Variants in ZNF131 observed in about 807,000 individuals in gnomAD.
The protein encoded by ZNF131 is zinc finger and BTB domain containing 35, also known as zinc finger protein 131.
ZNF131 carries 7 observed loss-of-function variants against 60.0 expected under a neutral mutation model. The observed-to-expected ratio is 0.12, with a 90% CI of 0.07 to 0.22. ZNF131 has a LOEUF of 0.22. ZNF131 is among the 10% of genes least tolerant of loss of function. ZNF131 has a pLI of 1.00. For missense variants in ZNF131, 493 were observed against 740.9 expected (o/e 0.67, Z 3.88); for synonymous variants, 257 against 253.2 (o/e 1.01, Z -0.14).
intron 4 of ZNF131, among the ~76,000 whole-genome samples, chr5:43,154,475 CA>C (rs2111808319): frequency 1.3e-5 from 2 of 152,184 alleles, no homozygotes; most frequent in Non-Finnish European, 2.9e-5. Context: ...GATAGCCCTG[CA>C]GTGGGGTCAC....
chr5:43,122,508 T>G (rs967241510), intron 2 of ZNF131, among the ~76,000 whole-genome samples: 13 of 152,140 alleles, frequency 8.5e-5, no homozygotes, highest in Non-Finnish European at 1.8e-4. Flanking sequence ...TTGGTAAGCT[T>G]TGAGAAGTCC....
At chr5:43,126,122 T>C (rs1187701744) in intron 3 of ZNF131, among the ~76,000 whole-genome samples, 2 of 152,192 alleles carry the variant, frequency 1.3e-5, no homozygotes, top group African/African-American at 4.8e-5. Context: ...AAAACTTGAG[T>C]TTTAGCCCTG....
intron 1 of ZNF131, chr5:43,121,709 CGTTAGAG>C (rs1372399002): frequency 2.5e-5 from 4 of 162,764 alleles, no homozygotes; most frequent in African/African-American, 9.7e-5. Flanking sequence ...CTTGGCGGGC[CGTTAGAG>C]GACCGCCACG....
chr5:43,172,086 T>G (rs1751063806), intron 5 of ZNF131, among the ~76,000 whole-genome samples: 1 of 152,256 alleles, frequency 6.6e-6, no homozygotes, highest in Admixed American at 6.5e-5. Context: ...AATGACTGTT[T>G]TCATTGTCAT....
rs1197781618 is a variant in ZNF131 at position 43,174,992 on chromosome 5, A to T, written c.1731A>T (p.Arg577Ser). Residue 577 changes from arginine to serine, a missense_variant, in exon 7 of 7, where the codon AGA becomes AGT. Physicochemically the swap from Arg to Ser is moderately radical, Grantham distance 110. Around this residue, in one of 7 missense-constraint regions of ZNF131, gnomAD observed 202 missense variants for 221.3 expected, o/e 0.91. Transcript: ENST00000682664. Reference protein sequence around the residue: ...VTPEIMNQEERESSQADAAEA... With the variant: ...VTPEIMNQEESESSQADAAEA... ...CAGAAATCATGAACCAAGAGGAGAG[A>T]GAGTCTAGCCAAGCAGATGCTGCTG... The T allele has an allele frequency of 6.2e-7, 1 of 1,614,026 alleles. No individual in the cohort carries two copies. Among genetic ancestry groups the T allele is most frequent in the Admixed American group, 1.7e-5 (1 of 59,992 alleles).
At chr5:43,158,284 GTTTTGTTTTTGT>G (rs957886425) in intron 4 of ZNF131, among the ~76,000 whole-genome samples, 1 of 148,028 alleles carries the variant, frequency 6.8e-6, no homozygotes, top group Non-Finnish European at 1.5e-5. Flanking sequence ...TTTCTGTTTT[GTTTTGTTTTTGT>G]TTTTGTTTTT....
chr5:43,135,335 A>G (rs544135561), intron 3 of ZNF131, among the ~76,000 whole-genome samples: 1 of 152,024 alleles, frequency 6.6e-6, no homozygotes, highest in Admixed American at 6.6e-5. Context: ...ACTATCTGGA[A>G]AGGAAATTAG....
rs1751511597 is a variant in ZNF131, at chr5:43,175,768, ACTT to A, written c.*638_*640del. On this transcript the variant is annotated 3_prime_UTR_variant, in exon 7 of 7. Coordinates refer to ENST00000682664, the MANE Select transcript of ZNF131 (RefSeq NM_001330707.2). ...CATGTGCCTTCTCAAAACCAACTGA[ACTT>A]CTATAAAGCATCTCTGGTTCTTTCA... The A allele has an allele frequency of 3.7e-5, 10 of 269,026 alleles. No homozygotes were observed. The highest frequency in any genetic ancestry group is 3.6e-4 in the Admixed American group (7 of 19,198). 16.7% of individuals were successfully genotyped at this position (269,026 alleles called of 1,614,324 possible). A position where few individuals can be genotyped will look rare whatever the true frequency, so the allele number is the denominator to read the frequency against.
At chr5:43,145,738 A>G (rs1747499360) in intron 4 of ZNF131, among the ~76,000 whole-genome samples, 3 of 152,194 alleles carry the variant, frequency 2.0e-5, no homozygotes, top group South Asian at 2.1e-4. Context: ...TACTTTTTCA[A>G]CATAAGATGC....
At chr5:43,153,463 TAAAAAAAAAAAAA>T (rs35596507) in intron 4 of ZNF131, among the ~76,000 whole-genome samples, 2 of 61,182 alleles carry the variant, frequency 3.3e-5, no homozygotes, top group South Asian at 7.3e-4. Context: ...CCATCTCTAC[TAAAAAAAAAAAAA>T]AAAAAAAAAA....
chr5:43,172,443 A>C (rs1337991084), intron 5 of ZNF131, among the ~76,000 whole-genome samples: 2 of 152,184 alleles, frequency 1.3e-5, no homozygotes, highest in Non-Finnish European at 2.9e-5. Flanking sequence ...CAACATGGTG[A>C]AACCCCGTCT....
chr5:43,121,949 C>T lies in ZNF131; in HGVS notation c.-15-90C>T, dbSNP rs981017109. On this transcript the variant is annotated intron_variant, in intron 1 of 6. Coordinates refer to ENST00000682664, the MANE Select transcript of ZNF131 (RefSeq NM_001330707.2). ...ACCCTCCCCCCTTCTTTTCACGTTG[C>T]TGGTTTTTTTTGTTGTTGTTTTATG... 7 of 1,368,280 alleles carry T rather than the reference C, an allele frequency of 5.1e-6. No homozygotes were observed. In the South Asian group the frequency reaches 1.0e-4, roughly 20 times the overall value. The allele number at this position is 1,368,280 out of a possible 1,614,324, so 84.8% of individuals were successfully genotyped here.
intron 5 of ZNF131, among the ~76,000 whole-genome samples, chr5:43,169,267 T>C (rs989634044): frequency 2.0e-5 from 3 of 152,224 alleles, no homozygotes; most frequent in African/African-American, 7.2e-5. Context: ...TGAAAGCGCA[T>C]TGAAAACTGT....
chr5:43,158,388 C>G (rs1306905457), intron 4 of ZNF131, among the ~76,000 whole-genome samples: 1 of 152,206 alleles, frequency 6.6e-6, no homozygotes, highest in Non-Finnish European at 1.5e-5. Flanking sequence ...CTCCTGGGTT[C>G]AAGTGATTCT....
At chr5:43,146,301 C>T (rs1426502169) in intron 4 of ZNF131, among the ~76,000 whole-genome samples, 2 of 152,060 alleles carry the variant, frequency 1.3e-5, no homozygotes, top group Admixed American at 1.3e-4. Flanking sequence ...CTTAAAACTG[C>T]GTATGGCCGG....
chr5:43,152,953 C>T (rs543919679), intron 4 of ZNF131, among the ~76,000 whole-genome samples: 1 of 152,096 alleles, frequency 6.6e-6, no homozygotes, highest in Non-Finnish European at 1.5e-5. Context: ...CTTCTGGAGT[C>T]GTAAGATGTT....
At chr5:43,151,272 A>G (rs965959744) in intron 4 of ZNF131, among the ~76,000 whole-genome samples, 1 of 152,218 alleles carries the variant, frequency 6.6e-6, no homozygotes, top group Non-Finnish European at 1.5e-5. Context: ...CGGGATGTGC[A>G]TAAATAAGTC....
intron 4 of ZNF131, among the ~76,000 whole-genome samples, chr5:43,156,231 A>T (rs987992048): frequency 6.6e-6 from 1 of 152,210 alleles, no homozygotes; most frequent in African/African-American, 2.4e-5. Context: ...CCCATCAGTT[A>T]AAAAATGCAA....
chr5:43,128,671 A>C (rs1579716422), intron 3 of ZNF131, among the ~76,000 whole-genome samples: 2 of 151,382 alleles, frequency 1.3e-5, no homozygotes, highest in South Asian at 2.1e-4. Context: ...AAAAAAAAAA[A>C]AAAAAACACA....
Sources: gnomAD v4.1 joint callset for allele counts (sites outside exome capture counted in the v4.1 genomes callset) on GRCh38, gnomAD v4.1.1 for gene constraint, gnomAD v4.1.1 regional missense constraint, MANE v1.5 for transcripts, NCBI Gene and HGNC (gene_info 2026-07-23, HGNC 2026-07-21) for gene names.